Variants in HSPG2 observed in about 807,000 individuals in gnomAD.
The protein encoded by HSPG2 is heparan sulfate proteoglycan 2, also known as basement membrane-specific heparan sulfate proteoglycan core protein.
A neutral mutation model predicts 526.6 loss-of-function variants in HSPG2; 278 were observed. The ratio of observed to expected loss-of-function variants is 0.53; its 90% CI spans 0.48 to 0.58. The LOEUF (loss-of-function observed/expected upper bound fraction) is 0.58, where lower values mean the gene tolerates loss of function less well. Among genes scored for constraint, HSPG2 ranks in the 20% least tolerant of loss-of-function variants. The pLI is 0.00. For synonymous variants in HSPG2, 2,465 were observed against 2,555.4 expected (o/e 0.96, Z 1.07); for missense variants, 5,354 against 6,099.5 (o/e 0.88, Z 4.07).
In HSPG2 at chr1:21,916,239, C is replaced by T. The variant is rs1162999689; in HGVS notation, c.64-19929G>A. ...AAATTTGGTTGGGTGCGGTGGCTCA[C>T]GCCTGTAATCCCAGCACTTTGGGAG... On this transcript the variant is annotated intron_variant, in intron 1 of 96. Coordinates refer to ENST00000374695, the MANE Select transcript of HSPG2 (RefSeq NM_005529.7). Among the ~76,000 whole-genome samples, 7 of 152,036 alleles carry T rather than the reference C, an allele frequency of 4.6e-5. No individual in the cohort carries two copies. The South Asian group carries it at 1.0e-3, about 23-fold the overall frequency.
At chr1:21,832,396 C>A in intron 81 of HSPG2, 99 bp downstream of exon 81, 1 of 990,468 alleles carries the variant, frequency 1.0e-6, no homozygotes, top group African/African-American at 1.6e-5. Flanking sequence ...TTTTCTCCTT[C>A]CTCCAGATCT....
At chr1:21,935,293 G>A (rs143875378) in intron 1 of HSPG2, among the ~76,000 whole-genome samples, 8 of 152,286 alleles carry the variant, frequency 5.3e-5, no homozygotes, top group South Asian at 2.1e-4. Context: ...GTGGGACAGC[G>A]ACCCTCCATG....
chr1:21,936,328 G>A (rs191793137), intron 1 of HSPG2, among the ~76,000 whole-genome samples: 1 of 152,318 alleles, frequency 6.6e-6, no homozygotes, highest in Non-Finnish European at 1.5e-5. Flanking sequence ...GCTCAGAGTA[G>A]GGGACTAGAC....
intron 1 of HSPG2, among the ~76,000 whole-genome samples, chr1:21,920,381 G>T (rs1052225050): frequency 6.6e-5 from 10 of 152,134 alleles, no homozygotes; most frequent in Non-Finnish European, 8.8e-5. Flanking sequence ...AGCCACAGGC[G>T]TGGAGCTGAA....
Position 21,855,406 on chromosome 1 carries a change from G to A in HSPG2, c.5895C>T (p.Thr1965=), listed in dbSNP as rs1401313490. 6.2e-7 allele frequency: 1 copy of A among 1,613,056 alleles called. No individual in the cohort carries two copies. The highest frequency in any genetic ancestry group is 8.5e-7 in the Non-Finnish European group (1 of 1,179,850). The stretch of plus-strand genomic sequence containing the variant: ...TGACGGTGCGGCCTGCGTGGACCTG[G>A]GTCCTCTCTGGGCTCACTTGGACTC... The part of the protein sequence containing the change: ...GPRVQVSPER[T]QVHAGRTVRL... Residue 1965 remains threonine, a synonymous_variant, in exon 47 of 97, where the codon ACC becomes ACT. Coordinates refer to ENST00000374695, the MANE Select transcript of HSPG2 (RefSeq NM_005529.7).
rs771101918 is a variant in HSPG2, at chr1:21,823,691, C to T, written c.12928G>A (p.Asp4310Asn). Residue 4310 changes from aspartate (D) to asparagine (N), a missense_variant, in exon 96 of 97, where the codon GAC becomes AAC. By Grantham distance (23) the Asp-to-Asn change is conservative (BLOSUM62 1). Transcript: ENST00000374695. ...REGRRGSIQV[D>N]GEELVSGRSP... ...CGGCCGCTGACCAGCTCCTCACCGT[C>T]GACTTGGATGGAACCTCTGCGGCCC... is the stretch of plus-strand genomic sequence containing the variant. 1.6e-5 allele frequency: 26 copies of T among 1,613,560 alleles called. No individual in the cohort carries two copies. The highest frequency in any genetic ancestry group is 1.9e-5 in the Non-Finnish European group (23 of 1,180,014).
At chr1:21,856,945 T>A (rs1047712558) in intron 44 of HSPG2, 70 bp downstream of exon 44, 33 of 1,477,778 alleles carry the variant, frequency 2.2e-5, no homozygotes, top group Non-Finnish European at 3.0e-5. Flanking sequence ...AATGAAGAAA[T>A]GCTGTGCTAA....
At chr1:21,844,348 C>G in intron 64 of HSPG2, 49 bp from the exon 65 acceptor site, 1 of 1,575,114 alleles carries the variant, frequency 6.3e-7, no homozygotes, top group Non-Finnish European at 8.7e-7. Context: ...CCCTGATGCC[C>G]TCAGCCCTTC....
rs1640152271 is a variant in HSPG2 at position 21,865,452 on chromosome 1, A to AC, written c.4315-88dup. ...CTCCACCAGTCCTAGATTCTCTGTA[A>AC]CCCCCAGCCTCCCACCTCTCTGCTC... On this transcript the variant is annotated intron_variant, in intron 34 of 96. Transcript: ENST00000374695. This position sits in a 1 kb window ranked among gnomAD's most constrained non-coding sequence, Gnocchi z 5.4. 3 of 1,282,586 alleles carry AC rather than the reference A, an allele frequency of 2.3e-6. No homozygotes were observed. Among genetic ancestry groups the AC allele is most frequent in the Non-Finnish European group, 3.4e-6 (3 of 882,634 alleles). 79.5% of individuals were successfully genotyped at this position (1,282,586 alleles called of 1,614,324 possible). A position where few individuals can be genotyped will look rare whatever the true frequency, so the allele number is the denominator to read the frequency against.
chr1:21,913,956 T>G (rs1446671378), intron 1 of HSPG2, among the ~76,000 whole-genome samples: 2 of 152,122 alleles, frequency 1.3e-5, no homozygotes, highest in Non-Finnish European at 2.9e-5. Context: ...AATACAAAAG[T>G]GACAGCAGCC....
chr1:21,909,554 C>T (rs1643554220), intron 1 of HSPG2, among the ~76,000 whole-genome samples: 1 of 152,244 alleles, frequency 6.6e-6, no homozygotes, highest in Non-Finnish European at 1.5e-5. Context: ...AAGGGACAGG[C>T]TTGTCTGGCA....
chr1:21,888,049 C>T lies in HSPG2; in HGVS notation c.592G>A (p.Ala198Thr). The T allele has an allele frequency of 1.2e-6, 2 of 1,614,050 alleles. No homozygotes were observed. The highest frequency in any genetic ancestry group is 1.1e-5 in the South Asian group (1 of 91,072). The change falls in exon 7 of 97, where the codon GCC becomes ACC. Residue 198 changes from alanine (A) to threonine (T), a missense_variant. Coordinates refer to ENST00000374695, the MANE Select transcript of HSPG2 (RefSeq NM_005529.7). Reference sequence around the variant, plus strand: ...CAGGCAAACTCGGCCTCCGTGCAGGCTCTTGGGAACTGGGGCACTGCAGGT... The same window carrying T: ...CAGGCAAACTCGGCCTCCGTGCAGGTTCTTGGGAACTGGGGCACTGCAGGT... ...RLGTVPQFPRACTEAEFACHS... is the reference protein window; with the variant it reads ...RLGTVPQFPRTCTEAEFACHS...
chr1:21,897,059 G>T (rs550552969), intron 1 of HSPG2, among the ~76,000 whole-genome samples: 12 of 152,190 alleles, frequency 7.9e-5, no homozygotes, highest in Admixed American at 3.9e-4. Flanking sequence ...TATGTGGGCC[G>T]GAGCAGAAGG....
At chr1:21,853,189 T>G in intron 50 of HSPG2, 119 bp from the exon 51 acceptor site, 1 of 1,372,916 alleles carries the variant, frequency 7.3e-7, no homozygotes, top group East Asian at 2.4e-5. Context: ...GTGGCCTTTC[T>G]GGGACTAGGG....
At position 21,833,308 on chromosome 1, in the gene HSPG2, C is replaced by T. The variant is rs1254251655; in HGVS notation, c.11055G>A (p.Lys3685=). ...GCCGGAAGGTGATCTTGATCTCGAACTTCCTGTAGGCATCCTTGATGGTGG... is the reference window on the plus strand; with the variant it reads ...GCCGGAAGGTGATCTTGATCTCGAATTTCCTGTAGGCATCCTTGATGGTGG... The part of the protein sequence containing the change: ...PLPTIKDAYR[K]FEIKITFRPD... The change falls in exon 80 of 97, where the codon AAG becomes AAA. Residue 3685 remains lysine (K), a synonymous_variant. Transcript: ENST00000374695. The T allele has an allele frequency of 3.7e-6, 6 of 1,614,144 alleles. No homozygotes were observed.
chr1:21,899,190 G>C (rs1642955766), intron 1 of HSPG2, among the ~76,000 whole-genome samples: 1 of 152,108 alleles, frequency 6.6e-6, no homozygotes, highest in African/African-American at 2.4e-5. Flanking sequence ...CCATAGCAAG[G>C]AATAAGTCAG....
At chr1:21,832,310 T>G (rs966981390) in intron 81 of HSPG2, among the ~76,000 whole-genome samples, 185 bp downstream of exon 81, 1 of 152,188 alleles carries the variant, frequency 6.6e-6, no homozygotes, top group Non-Finnish European at 1.5e-5. Flanking sequence ...AAGTCTGAGG[T>G]TGCACCCTCC....
At chr1:21,850,655 G>A (rs1478617024) in intron 55 of HSPG2, among the ~76,000 whole-genome samples, 157 bp from the exon 56 acceptor site, 1 of 152,170 alleles carries the variant, frequency 6.6e-6, no homozygotes, top group African/African-American at 2.4e-5. Flanking sequence ...GTCCAGCAGC[G>A]GGGTGGTAGA....
Position 21,824,437 on chromosome 1 carries a change from C to G in HSPG2, c.12745-61G>C. The G allele has an allele frequency of 6.2e-7, 1 of 1,604,438 alleles. No homozygotes were observed. Among genetic ancestry groups the G allele is most frequent in the Non-Finnish European group, 8.5e-7 (1 of 1,172,814 alleles). ...CCTGGAGAGCAGAGGCTGCCGAGGCCAGGGGGCTCTGCTTTCCCCTCCCCC... is the reference window on the plus strand; with the variant it reads ...CCTGGAGAGCAGAGGCTGCCGAGGCGAGGGGGCTCTGCTTTCCCCTCCCCC... On this transcript the variant is annotated intron_variant, in intron 93 of 96. Coordinates refer to ENST00000374695, the MANE Select transcript of HSPG2 (RefSeq NM_005529.7). The surrounding 1 kb of genome is among the most constrained non-coding windows in gnomAD (Gnocchi z 5.9).
Sources: gnomAD v4.1 joint callset for allele counts (sites outside exome capture counted in the v4.1 genomes callset) on GRCh38, gnomAD v4.1.1 for gene constraint, Gnocchi (gnomAD v3.1) non-coding constraint, MANE v1.5 for transcripts, NCBI Gene and HGNC (gene_info 2026-07-23, HGNC 2026-07-21) for gene names.